The following TMEM87B variants were observed in gnomAD, a reference collection of about 807,000 sequenced individuals.
TMEM87B encodes transmembrane protein 87B.
TMEM87B carries 83 observed loss-of-function variants against 80.3 expected under a neutral mutation model. The observed-to-expected ratio is 1.03, with a 90% confidence interval of 0.87 to 1.24. The LOEUF is 1.24. TMEM87B is among the 50% of genes most tolerant of loss of function. The pLI, the probability that TMEM87B is intolerant of heterozygous loss-of-function variation, is 0.00. For missense variants in TMEM87B, 625 were observed against 674.4 expected (o/e 0.93, Z 0.81); for synonymous variants, 219 against 230.5 (o/e 0.95, Z 0.45).
chr2:112,095,876 GA>G lies in TMEM87B; in HGVS notation c.1105-1167del, dbSNP rs141707146. On this transcript the variant is annotated intron_variant, in intron 11 of 18. Coordinates refer to ENST00000283206, the MANE Select transcript of TMEM87B (RefSeq NM_032824.3). ...AGGAAGGAATTCTCATTTAAGAGCAGAGAGAGCTGGCTTGAATTCTGCTTCA... is the reference window on the plus strand; with the variant it reads ...AGGAAGGAATTCTCATTTAAGAGCAGGAGAGCTGGCTTGAATTCTGCTTCA... Among the ~76,000 whole-genome samples the G allele has an allele frequency of 3.5e-3, 538 of 152,330 alleles. 2 individuals are homozygous for G. The highest frequency in any genetic ancestry group is 0.013 in the African/African-American group (521 of 41,582).
At chr2:112,078,538 C>T (rs1678889127) in intron 6 of TMEM87B, among the ~76,000 whole-genome samples, 1 of 152,298 alleles carries the variant, frequency 6.6e-6, no homozygotes, top group South Asian at 2.1e-4. Flanking sequence ...TTAATCACTT[C>T]CCAAAAGGCC....
intron 14 of TMEM87B, 127 bp downstream of exon 14, chr2:112,098,825 A>T: frequency 1.2e-6 from 1 of 808,692 alleles, no homozygotes; most frequent in Admixed American, 2.6e-5. Context: ...AAGTAGGGAG[A>T]TAAGCAAAAC....
chr2:112,072,012 A>C (rs1037684275), intron 4 of TMEM87B, among the ~76,000 whole-genome samples: 1 of 152,184 alleles, frequency 6.6e-6, no homozygotes, highest in African/African-American at 2.4e-5. Context: ...ATTTTATCCA[A>C]AGCCTTTTCT....
chr2:112,101,918 T>C (rs1679641386), intron 15 of TMEM87B, among the ~76,000 whole-genome samples: 2 of 152,186 alleles, frequency 1.3e-5, no homozygotes, highest in African/African-American at 4.8e-5. Flanking sequence ...TACAAGTTCA[T>C]TGAAAAATAC....
chr2:112,074,710 A>G (rs1678756893), intron 4 of TMEM87B, among the ~76,000 whole-genome samples: 4 of 152,148 alleles, frequency 2.6e-5, no homozygotes, highest in Admixed American at 2.6e-4. Flanking sequence ...TGAGTCATAG[A>G]TTCCATCTCT....
In TMEM87B at chr2:112,097,220, T is replaced by G. The variant is rs762480184; in HGVS notation, c.1214-13T>G. ...GTTATATTCCTTCAAAGGTGACTTT[T>G]TGTGTGTTTCAGCTTCTATAGTGTT... On this transcript the variant is annotated splice_polypyrimidine_tract_variant and intron_variant, in intron 12 of 18. Coordinates refer to ENST00000283206, the MANE Select transcript of TMEM87B (RefSeq NM_032824.3). 3.7e-6 allele frequency: 6 copies of G among 1,605,514 alleles called. No individual in the cohort carries two copies. The East Asian group carries it at 1.3e-4, about 36-fold the overall frequency.
In TMEM87B at chr2:112,055,708, T is replaced by C; in HGVS notation, c.117T>C (p.Ala39=). Reference sequence around the variant, plus strand: ...GCCTCCTGTGCTGGACCCCGGCGGCTGTGCGCGCGGTCCCTGAGCTCGGGC... The same window carrying C: ...GCCTCCTGTGCTGGACCCCGGCGGCCGTGCGCGCGGTCCCTGAGCTCGGGC... ...ALCLLCWTPA[A]VRAVPELGLW... Residue 39 remains alanine (A), a synonymous_variant, in exon 1 of 19, where the codon GCT becomes GCC. Transcript: ENST00000283206. 1 of 1,543,834 alleles carries C rather than the reference T, an allele frequency of 6.5e-7. No individual in the cohort carries two copies. The highest frequency in any genetic ancestry group is 8.7e-7 in the Non-Finnish European group (1 of 1,152,140).
intron 17 of TMEM87B, 23 bp from the exon 18 acceptor site, chr2:112,112,876 C>T (rs1189139711): frequency 6.2e-7 from 1 of 1,610,736 alleles, no homozygotes; most frequent in South Asian, 1.1e-5. Context: ...AACATTATCA[C>T]CTTTTTTTCC....
intron 8 of TMEM87B, among the ~76,000 whole-genome samples, chr2:112,082,683 C>A (rs1024589710): frequency 6.6e-6 from 1 of 151,532 alleles, no homozygotes; most frequent in Non-Finnish European, 1.5e-5. Flanking sequence ...TGTGCGTGTG[C>A]GTGTGCGTGC....
At chr2:112,088,879 C>T (rs1679223860) in intron 9 of TMEM87B, among the ~76,000 whole-genome samples, 1 of 152,140 alleles carries the variant, frequency 6.6e-6, no homozygotes, top group African/African-American at 2.4e-5. Context: ...GTGCCTCAAC[C>T]TCCCAAGTAG....
chr2:112,055,820 C>T (rs1558823711), intron 1 of TMEM87B, 64 bp downstream of exon 1: 12 of 1,432,970 alleles, frequency 8.4e-6, no homozygotes, highest in Middle Eastern at 3.7e-4. Context: ...CGTGCGGCTT[C>T]GCTTGACCCC....
rs922386082 is a variant in TMEM87B, at chr2:112,116,811, G to A, written c.*668G>A. ...TCAGGGGAACACAAGTGCACAGAGA[G>A]AGATGTCTTGAGGGTCACTACCAAA... is the stretch of plus-strand genomic sequence containing the variant. On this transcript the variant is annotated 3_prime_UTR_variant, in exon 19 of 19. Transcript: ENST00000283206. The A allele has an allele frequency of 1.3e-5, 2 of 151,548 alleles. No homozygotes were observed. The highest frequency in any genetic ancestry group is 3.2e-3 in the Middle Eastern group (1 of 314). 9.4% of individuals were successfully genotyped at this position (151,548 alleles called of 1,614,324 possible). A position where few individuals can be genotyped will look rare whatever the true frequency, so the allele number is the denominator to read the frequency against.
chr2:112,095,496 A>T, intron 11 of TMEM87B: 1 of 953,734 alleles, frequency 1.0e-6, no homozygotes, highest in Non-Finnish European at 1.2e-6. Flanking sequence ...TAAAATTATT[A>T]AACCAGACCA....
At chr2:112,065,321 A>G (rs1386006473) in intron 3 of TMEM87B, among the ~76,000 whole-genome samples, 2 of 152,150 alleles carry the variant, frequency 1.3e-5, no homozygotes, top group Non-Finnish European at 2.9e-5. Flanking sequence ...CAAATTTAAC[A>G]CTGATAAAAT....
chr2:112,089,033 T>G (rs185931426), intron 9 of TMEM87B, among the ~76,000 whole-genome samples: 22 of 152,344 alleles, frequency 1.4e-4, no homozygotes, highest in African/African-American at 5.1e-4. Flanking sequence ...GATGCTAGGA[T>G]TACAGGCATG....
rs1264568170 is a variant in TMEM87B, at chr2:112,081,081, A to G, written c.617A>G (p.His206Arg). Residue 206 changes from histidine to arginine, a missense_variant, in exon 7 of 19, where the codon CAT (histidine) becomes CGT (arginine). Transcript: ENST00000283206. ...LNVSLSMIGP[H>R]GYISASDWPL... ...GTTTCTCTTTCTATGATTGGGCCTCATGGATATATCTCTGCATCAGATTGG... is the reference window on the plus strand; with the variant it reads ...GTTTCTCTTTCTATGATTGGGCCTCGTGGATATATCTCTGCATCAGATTGG... 1.9e-6 allele frequency: 3 copies of G among 1,612,796 alleles called. No homozygotes were observed. The highest frequency in any genetic ancestry group is 2.5e-6 in the Non-Finnish European group (3 of 1,179,708).
chr2:112,100,512 T>A, intron 14 of TMEM87B, 110 bp from the exon 15 acceptor site: 1 of 626,030 alleles, frequency 1.6e-6, no homozygotes, highest in Middle Eastern at 4.1e-4. Flanking sequence ...TATTTTAAAG[T>A]ATAAGAAATT....
chr2:112,110,356 T>C (rs1297071828), intron 17 of TMEM87B, among the ~76,000 whole-genome samples: 2 of 152,218 alleles, frequency 1.3e-5, no homozygotes, highest in Non-Finnish European at 2.9e-5. Context: ...TCTTTGAATT[T>C]CTTCATGCTT....
At chr2:112,063,381 C>T (rs1678315641) in intron 2 of TMEM87B, among the ~76,000 whole-genome samples, 1 of 152,196 alleles carries the variant, frequency 6.6e-6, no homozygotes, top group South Asian at 2.1e-4. Flanking sequence ...ACTCTCTTAC[C>T]TGGATCATTC....
Sources: gnomAD v4.1 joint callset for allele counts (sites outside exome capture counted in the v4.1 genomes callset) on GRCh38, gnomAD v4.1.1 for gene constraint, MANE v1.5 for transcripts, NCBI Gene and HGNC (gene_info 2026-07-23, HGNC 2026-07-21) for gene names.